The following KREMEN1 variants were observed in gnomAD, a reference collection of about 807,000 sequenced individuals.
KREMEN1 encodes kringle containing transmembrane protein 1.
In KREMEN1, 30 loss-of-function variants were observed where a neutral mutation model predicts 46.5. The ratio of observed to expected loss-of-function variants is 0.65; its 90% CI spans 0.48 to 0.88. The LOEUF is 0.88. KREMEN1 is among the 40% of genes least tolerant of loss of function. The pLI, the probability that KREMEN1 is intolerant of heterozygous loss-of-function variation, is 0.00. For missense variants in KREMEN1, 533 were observed against 596.9 expected (o/e 0.89, Z 1.11); for synonymous variants, 214 against 230.6 (o/e 0.93, Z 0.65).
chr22:29,153,985 A>G (rs2038940107), intron 9 of KREMEN1, among the ~76,000 whole-genome samples: 1 of 145,374 alleles, frequency 6.9e-6, no homozygotes, highest in South Asian at 2.2e-4. Context: ...AAAAAAAAAG[A>G]AAGAAAAGAG....
At chr22:29,160,539 C>CAAAAAAAAAAAAAAA (rs132303) in intron 9 of KREMEN1, among the ~76,000 whole-genome samples, 2 of 103,492 alleles carry the variant, frequency 1.9e-5, no homozygotes, top group African/African-American at 3.6e-5. Flanking sequence ...GACTCCGTCT[C>CAAAAAAAAAAAAAAA]AAAAAAAAAA....
At chr22:29,140,203 C>A in intron 7 of KREMEN1, 79 bp from the exon 8 acceptor site, 3 of 1,075,760 alleles carry the variant, frequency 2.8e-6, no homozygotes, top group East Asian at 4.7e-5. Context: ...CAGACTTACT[C>A]ACTTGGGTAT....
At chr22:29,130,698 C>T (rs1479644601) in intron 5 of KREMEN1, among the ~76,000 whole-genome samples, 1 of 152,158 alleles carries the variant, frequency 6.6e-6, no homozygotes, top group African/African-American at 2.4e-5. Flanking sequence ...GTGCCTGAGG[C>T]TTCTTCCCAA....
chr22:29,138,945 TTTC>T, intron 7 of KREMEN1, 163 bp downstream of exon 7: 1 of 1,035,522 alleles, frequency 9.7e-7, no homozygotes, highest in Non-Finnish European at 1.4e-6. Context: ...TGAGGGAAAT[TTTC>T]TTATTAGCTT....
chr22:29,111,113 C>A (rs2038139262), intron 3 of KREMEN1, among the ~76,000 whole-genome samples: 2 of 151,264 alleles, frequency 1.3e-5, no homozygotes, highest in Admixed American at 1.3e-4. Context: ...TTGAGACAAG[C>A]CTGGGCAACA....
At chr22:29,166,190 C>T (rs1347388276) in intron 9 of KREMEN1, among the ~76,000 whole-genome samples, 1 of 152,194 alleles carries the variant, frequency 6.6e-6, no homozygotes, top group Non-Finnish European at 1.5e-5. Context: ...GCACACTCGC[C>T]TCCTAGTCGT....
Position 29,142,221 on chromosome 22 carries a change from C to T in KREMEN1, c.*109C>T. On this transcript the variant is annotated 3_prime_UTR_variant, in exon 9 of 9. Coordinates refer to ENST00000400335, the MANE Select transcript of KREMEN1 (RefSeq NM_001039570.3). Reference sequence around the variant, plus strand: ...AGACTCTTCCCCTCCTCTCCCTCTGCCTCGGCCTCTTCGGGGAAACCCTCC... The same window carrying T: ...AGACTCTTCCCCTCCTCTCCCTCTGTCTCGGCCTCTTCGGGGAAACCCTCC... 7.1e-7 allele frequency: 1 copy of T among 1,407,430 alleles called. No individual in the cohort carries two copies. The allele number at this position is 1,407,430 out of a possible 1,614,324, so 87.2% of individuals were successfully genotyped here.
intron 8 of KREMEN1, 69 bp downstream of exon 8, chr22:29,140,435 C>T: frequency 8.6e-7 from 1 of 1,159,706 alleles, no homozygotes; most frequent in South Asian, 1.2e-5. Context: ...TATGATGCTT[C>T]ATTTGTCTGG....
At chr22:29,147,380 C>T (rs537918157), downstream of KREMEN1, among the ~76,000 whole-genome samples, 15 of 152,322 alleles carry the variant, frequency 9.8e-5, no homozygotes, top group East Asian at 1.9e-3. Flanking sequence ...GCCCACTCTG[C>T]GCCAGGCACT....
intron 3 of KREMEN1, among the ~76,000 whole-genome samples, chr22:29,101,194 C>T (rs2037969600): frequency 7.4e-6 from 1 of 135,158 alleles, no homozygotes; most frequent in Non-Finnish European, 1.5e-5. Flanking sequence ...AGAGATTGCA[C>T]TGAGCTGAGA....
rs199764170 is a variant in KREMEN1, at chr22:29,088,306, TACACAC to T, written c.98-5933_98-5928del. On this transcript the variant is annotated intron_variant, in intron 1 of 8. Coordinates refer to ENST00000400335, the MANE Select transcript of KREMEN1 (RefSeq NM_001039570.3). ...ACGTGCGCACGCGTGCACGCGTGCA[TACACAC>T]ACACACACACACACACACGCACACA... Among the ~76,000 whole-genome samples, 853 of 149,884 alleles carry T rather than the reference TACACAC, an allele frequency of 5.7e-3. 13 individuals carry two copies. The highest frequency in any genetic ancestry group is 0.02 in the African/African-American group (799 of 40,928).
In KREMEN1 at chr22:29,073,382, C is replaced by G. The variant is rs2037506747; in HGVS notation, c.97+155C>G. On this transcript the variant is annotated intron_variant, in intron 1 of 8. Coordinates refer to ENST00000400335, the MANE Select transcript of KREMEN1 (RefSeq NM_001039570.3). This position sits in a 1 kb window ranked among gnomAD's most constrained non-coding sequence, Gnocchi z 4.4. ...GCGACGCCCCTCAGGCCGGGATGGTCCCTTCCTGGGACCCGGGCTACCCCC... is the reference window on the plus strand; with the variant it reads ...GCGACGCCCCTCAGGCCGGGATGGTGCCTTCCTGGGACCCGGGCTACCCCC... 6.6e-6 allele frequency among the ~76,000 whole-genome samples: 1 copy of G among 151,982 alleles called. No individual in the cohort carries two copies. The highest frequency in any genetic ancestry group is 2.1e-4 in the South Asian group (1 of 4,824).
At chr22:29,128,260 A>C (rs1036270667) in intron 5 of KREMEN1, among the ~76,000 whole-genome samples, 2 of 152,238 alleles carry the variant, frequency 1.3e-5, no homozygotes, top group South Asian at 4.1e-4. Context: ...ACTTTGCAGT[A>C]GGTTTATCAG....
chr22:29,080,599 C>T (rs2037638359), intron 1 of KREMEN1, among the ~76,000 whole-genome samples: 1 of 152,132 alleles, frequency 6.6e-6, no homozygotes, highest in Admixed American at 6.5e-5. Flanking sequence ...TTGGAGGGGG[C>T]CAGGGGCTGA....
chr22:29,131,560 A>ATGTG lies in KREMEN1; in HGVS notation c.632-5750_632-5747dup, dbSNP rs1176208187. On this transcript the variant is annotated intron_variant, in intron 5 of 8. Coordinates refer to ENST00000400335, the MANE Select transcript of KREMEN1 (RefSeq NM_001039570.3). The stretch of plus-strand genomic sequence containing the variant: ...TATATATATATATATATATATATAT[A>ATGTG]TGTGTGTGTGTGTGTGTGTGTGTGT... Among the ~76,000 whole-genome samples, 282 of 69,800 alleles carry ATGTG rather than the reference A, an allele frequency of 4.0e-3. 4 individuals carry two copies. The highest frequency in any genetic ancestry group is 0.015 in the Middle Eastern group (2 of 134). 45.8% of individuals were successfully genotyped at this position (69,800 alleles called of 152,430 possible). A position where few individuals can be genotyped will look rare whatever the true frequency, so the allele number is the denominator to read the frequency against.
chr22:29,097,830 C>CT (rs1435327933), intron 2 of KREMEN1, among the ~76,000 whole-genome samples: 4 of 152,012 alleles, frequency 2.6e-5, no homozygotes, highest in African/African-American at 9.7e-5. Flanking sequence ...CTAAATAAGT[C>CT]TTTTCAAAAC....
intron 3 of KREMEN1, among the ~76,000 whole-genome samples, chr22:29,107,874 G>T (rs906625458): frequency 6.6e-6 from 1 of 152,186 alleles, no homozygotes; most frequent in Admixed American, 6.5e-5. Context: ...GAGTGCTGAT[G>T]GAATTTATGG....
intron 4 of KREMEN1, among the ~76,000 whole-genome samples, chr22:29,123,715 G>C (rs2038395439): frequency 6.6e-6 from 1 of 152,178 alleles, no homozygotes; most frequent in Admixed American, 6.5e-5. Context: ...GCTTGCACCT[G>C]GGAGGTGGAG....
intron 5 of KREMEN1, among the ~76,000 whole-genome samples, chr22:29,136,039 A>G (rs938810954): frequency 1.1e-4 from 17 of 152,092 alleles, no homozygotes; most frequent in East Asian, 2.0e-4. Flanking sequence ...CTCCCGTCTC[A>G]GCCTCCCTAG....
Sources: allele counts gnomAD v4.1 joint callset (sites outside exome capture counted in the v4.1 genomes callset), GRCh38; gene constraint gnomAD v4.1.1; non-coding constraint Gnocchi (gnomAD v3.1); transcripts MANE v1.5; gene names NCBI Gene and HGNC (gene_info 2026-07-23, HGNC 2026-07-21).